CERS6: variants seen among roughly 807,000 people sequenced by gnomAD.
CERS6 encodes the protein LAG1 homolog, ceramide synthase 6.
A neutral mutation model predicts 56.8 loss-of-function variants in CERS6; 26 were observed. That is an observed-to-expected ratio of 0.46 (90% CI 0.34 to 0.63). The LOEUF is 0.63. CERS6 is among the 30% of genes least tolerant of loss of function. The pLI is 0.01. For synonymous variants in CERS6, 164 were observed against 173.3 expected (o/e 0.95, Z 0.42); for missense variants, 415 against 467.5 (o/e 0.89, Z 1.04).
In CERS6 at chr2:168,501,813, G is replaced by A. The variant is rs763532317; in HGVS notation, c.170+45195G>A. Reference sequence around the variant, plus strand: ...CTTTCCAGTACCTGGCTGGTGAAACGAGTTCCCCTATCACTGCAAAGTTCA... The same window carrying A: ...CTTTCCAGTACCTGGCTGGTGAAACAAGTTCCCCTATCACTGCAAAGTTCA... On this transcript the variant is annotated intron_variant, in intron 1 of 9. Transcript: ENST00000305747. 4.6e-5 allele frequency among the ~76,000 whole-genome samples: 7 copies of A among 152,188 alleles called. No homozygotes were observed. In the South Asian group the frequency reaches 8.3e-4, roughly 18 times the overall value.
intron 4 of CERS6, chr2:168,644,053 C>T: frequency 1.0e-6 from 1 of 980,248 alleles, no homozygotes; most frequent in Non-Finnish European, 1.2e-6. Context: ...GCATAAAAAT[C>T]TTTCTGTGGA....
chr2:168,729,697 A>T (rs1168122291), intron 8 of CERS6, among the ~76,000 whole-genome samples: 1 of 152,220 alleles, frequency 6.6e-6, no homozygotes, highest in Non-Finnish European at 1.5e-5. Flanking sequence ...AGTGTTGCCA[A>T]GGAGACGGAA....
intron 1 of CERS6, among the ~76,000 whole-genome samples, chr2:168,510,816 G>T (rs922119659): frequency 1.3e-5 from 2 of 151,772 alleles, no homozygotes; most frequent in African/African-American, 4.8e-5. Context: ...ACTGTTTTAC[G>T]TGCATTAACT....
At chr2:168,704,830 C>T (rs1470323099) in intron 6 of CERS6, among the ~76,000 whole-genome samples, 1 of 152,186 alleles carries the variant, frequency 6.6e-6, no homozygotes, top group Non-Finnish European at 1.5e-5. Flanking sequence ...GATCTCCTGA[C>T]CTTGTGATCT....
intron 4 of CERS6, among the ~76,000 whole-genome samples, chr2:168,650,284 G>C (rs1441843235): frequency 6.6e-6 from 1 of 152,132 alleles, no homozygotes; most frequent in African/African-American, 2.4e-5. Flanking sequence ...GGAGGGGAAG[G>C]ACAGGAATCA....
chr2:168,596,555 C>G lies in CERS6; in HGVS notation c.408-34430C>G, dbSNP rs868046075. ...TTGTTTCAGGGCCCCATCCCCCCCC[C>G]TTTTTTTTTTTTTTTTGAGACTGAG... On this transcript the variant is annotated intron_variant, in intron 3 of 9. Transcript: ENST00000305747. Among the ~76,000 whole-genome samples, 1,016 of 114,824 alleles carry G rather than the reference C, an allele frequency of 8.8e-3. 11 individuals carry two copies. The highest frequency in any genetic ancestry group is 0.013 in the Middle Eastern group (3 of 236). The allele number at this position is 114,824 out of a possible 152,430, so 75.3% of individuals were successfully genotyped here. A position where few individuals can be genotyped will look rare whatever the true frequency, so the allele number is the denominator to read the frequency against.
intron 1 of CERS6, among the ~76,000 whole-genome samples, chr2:168,517,372 A>G (rs1694900323): frequency 1.3e-5 from 2 of 151,836 alleles, no homozygotes; most frequent in Admixed American, 6.6e-5. Flanking sequence ...CGTGCCTGTA[A>G]TCCCAGCTAT....
At chr2:168,497,231 G>A (rs924701500) in intron 1 of CERS6, among the ~76,000 whole-genome samples, 2 of 152,198 alleles carry the variant, frequency 1.3e-5, no homozygotes, top group Admixed American at 6.5e-5. Context: ...GTTAGAAACA[G>A]TTTTGTCTAG....
At chr2:168,718,189 G>T (rs1559065840) in intron 8 of CERS6, among the ~76,000 whole-genome samples, 2 of 152,146 alleles carry the variant, frequency 1.3e-5, no homozygotes, top group African/African-American at 4.8e-5. Context: ...AAAGGATGTG[G>T]CTTGCATGGC....
At chr2:168,582,999 A>T (rs1166377845) in intron 3 of CERS6, 1 of 153,948 alleles carries the variant, frequency 6.5e-6, no homozygotes, top group African/African-American at 2.4e-5. Context: ...ATTGCCTAAC[A>T]TGTGCCAGAA....
chr2:168,617,140 C>T (rs1306896365), intron 3 of CERS6, among the ~76,000 whole-genome samples: 1 of 152,116 alleles, frequency 6.6e-6, no homozygotes, highest in African/African-American at 2.4e-5. Flanking sequence ...ATCATTGGGT[C>T]AGAAATGAAA....
intron 1 of CERS6, among the ~76,000 whole-genome samples, chr2:168,492,581 G>A (rs973797741): frequency 2.6e-5 from 4 of 152,134 alleles, no homozygotes; most frequent in Non-Finnish European, 4.4e-5. Flanking sequence ...TTACTCTGAT[G>A]ATAGTTTATT....
At chr2:168,530,110 T>G (rs1389994713) in intron 1 of CERS6, among the ~76,000 whole-genome samples, 1 of 152,164 alleles carries the variant, frequency 6.6e-6, no homozygotes, top group Non-Finnish European at 1.5e-5. Flanking sequence ...AACGTGTCTG[T>G]AAGAGTGCCG....
At chr2:168,484,401 G>A (rs1373369042) in intron 1 of CERS6, among the ~76,000 whole-genome samples, 2 of 151,414 alleles carry the variant, frequency 1.3e-5, no homozygotes, top group Admixed American at 1.3e-4. Flanking sequence ...GGCTGGTCTC[G>A]AACTCCCGAC....
intron 3 of CERS6, among the ~76,000 whole-genome samples, chr2:168,578,157 A>G (rs1462811889): frequency 6.6e-6 from 1 of 151,886 alleles, no homozygotes; most frequent in Admixed American, 6.6e-5. Flanking sequence ...TGTGGAACTG[A>G]TATCAACCAG....
intron 1 of CERS6, among the ~76,000 whole-genome samples, chr2:168,514,458 C>T (rs1162194032): frequency 1.3e-5 from 2 of 152,226 alleles, no homozygotes; most frequent in African/African-American, 4.8e-5. Context: ...AGGTGAGATA[C>T]ATGCTGTCAG....
chr2:168,663,651 A>G (rs902253810), intron 4 of CERS6, among the ~76,000 whole-genome samples: 2 of 152,170 alleles, frequency 1.3e-5, no homozygotes, highest in South Asian at 2.1e-4. Flanking sequence ...TTCACATTAT[A>G]TTGTACTTTG....
intron 1 of CERS6, among the ~76,000 whole-genome samples, chr2:168,510,067 A>C (rs904569648): frequency 1.3e-5 from 2 of 151,772 alleles, no homozygotes; most frequent in Non-Finnish European, 2.9e-5. Context: ...TATTAGGTGC[A>C]GTACTTGATA....
chr2:168,651,919 G>T (rs986179658), intron 4 of CERS6, among the ~76,000 whole-genome samples: 2 of 152,098 alleles, frequency 1.3e-5, no homozygotes, highest in Admixed American at 6.6e-5. Context: ...ATAAGGCAAG[G>T]CCCTGCTACA....
Sources: allele counts gnomAD v4.1 joint callset (sites outside exome capture counted in the v4.1 genomes callset), GRCh38; gene constraint gnomAD v4.1.1; transcripts MANE v1.5; gene names NCBI Gene and HGNC (gene_info 2026-07-23, HGNC 2026-07-21).